OR8D1: variants seen among roughly 807,000 people sequenced by gnomAD.
OR8D1 encodes olfactory receptor family 8 subfamily D member 1.
For synonymous variants in OR8D1, 143 were observed against 147.0 expected (o/e 0.97, Z 0.20); for missense variants, 384 against 366.8 (o/e 1.05, Z -0.38).
At chr11:124,312,075 C>G (rs941409028) in intron 1 of OR8D1, among the ~76,000 whole-genome samples, 10 of 152,104 alleles carry the variant, frequency 6.6e-5, no homozygotes, top group Admixed American at 5.2e-4. Flanking sequence ...AAGTGGGATA[C>G]CTGTTTCAAA....
At chr11:124,313,539 G>T (rs1313429988) in intron 1 of OR8D1, among the ~76,000 whole-genome samples, 182 bp downstream of exon 1, 1 of 152,122 alleles carries the variant, frequency 6.6e-6, no homozygotes, top group Non-Finnish European at 1.5e-5. Flanking sequence ...AGGTTATAAA[G>T]AAGTGACAAG....
In OR8D1 at chr11:124,309,903, T is replaced by C. The variant is rs1360852038; in HGVS notation, c.864A>G (p.Leu288=). The change falls in exon 3 of 3, where the codon TTA becomes TTG. Residue 288 remains leucine (L), a synonymous_variant. Coordinates refer to ENST00000641015, the MANE Select transcript of OR8D1 (RefSeq NM_001002917.2). ...CATCCTTATTCCTCAGACTGTATAT[T>C]AAAGGGTTCAGCATGGGGATCACCG... The part of the protein sequence containing the change: ...YTTVIPMLNP[L]IYSLRNKDVK... 2 of 1,515,624 alleles carry C rather than the reference T, an allele frequency of 1.3e-6. No homozygotes were observed. The highest frequency in any genetic ancestry group is 2.3e-5 in the Admixed American group (1 of 44,262). The allele number at this position is 1,515,624 out of a possible 1,614,324, so 93.9% of individuals were successfully genotyped here.
At chr11:124,310,889 T>C in intron 2 of OR8D1, 107 bp from the exon 3 acceptor site, 1 of 668,672 alleles carries the variant, frequency 1.5e-6, no homozygotes, top group South Asian at 2.0e-5. Context: ...GACTGAGTCA[T>C]AGTTTTCATT....
At chr11:124,310,839 C>T in intron 2 of OR8D1, 57 bp from the exon 3 acceptor site, 3 of 1,191,402 alleles carry the variant, frequency 2.5e-6, no homozygotes, top group Non-Finnish European at 3.6e-6. Context: ...CTCTTCCAAA[C>T]AAAACCAAAT....
Position 124,309,961 on chromosome 11 carries a change from T to C in OR8D1, c.806A>G (p.Asp269Gly), listed in dbSNP as rs202057740. The change falls in exon 3 of 3, where the codon GAC becomes GGC. Residue 269 changes from aspartate (D) to glycine (G), a missense_variant. Asp to Gly is a moderately conservative substitution (Grantham distance 94). Transcript: ENST00000641015. ...GAACACAGAGGACACCTTCTCCTGG[T>C]CCAGGGAGTTACTTGAAGGGGGCTT... The part of the protein sequence containing the change: ...YFKPPSSNSL[D>G]QEKVSSVFYT... The C allele has an allele frequency of 3.5e-5, 55 of 1,565,826 alleles. No individual in the cohort carries two copies. In the East Asian group the frequency reaches 1.1e-3, roughly 31 times the overall value.
In OR8D1 at chr11:124,303,196, T is replaced by G. The variant is rs988241354; in HGVS notation, c.*6644A>C. 2 of 151,732 alleles carry G rather than the reference T, an allele frequency of 1.3e-5. No individual in the cohort carries two copies. The highest frequency in any genetic ancestry group is 4.8e-5 in the African/African-American group (2 of 41,254). The allele number at this position is 151,732 out of a possible 1,614,324, so 9.4% of individuals were successfully genotyped here. On this transcript the variant is annotated 3_prime_UTR_variant, in exon 3 of 3. Transcript: ENST00000641015. Reference sequence around the variant, plus strand: ...CAGGCACATCTCACATGGCGGGAGGTGTGAGACAGAGCAGGAAAAACTACC... The same window carrying G: ...CAGGCACATCTCACATGGCGGGAGGGGTGAGACAGAGCAGGAAAAACTACC...
At position 124,304,421 on chromosome 11, in the gene OR8D1, A is replaced by G. The variant is rs1862350406; in HGVS notation, c.*5419T>C. 1 of 151,752 alleles carries G rather than the reference A, an allele frequency of 6.6e-6. No homozygotes were observed. The highest frequency in any genetic ancestry group is 1.5e-5 in the Non-Finnish European group (1 of 67,850). 9.4% of individuals were successfully genotyped at this position (151,752 alleles called of 1,614,324 possible). ...TGTTCCATTATACATATATTCCATA[A>G]TTTCCTTCTCCATTTATCAGATGAC... On this transcript the variant is annotated 3_prime_UTR_variant, in exon 3 of 3. Coordinates refer to ENST00000641015, the MANE Select transcript of OR8D1 (RefSeq NM_001002917.2).
rs754548110 is a variant in OR8D1, at chr11:124,310,157, C to A, written c.610G>T (p.Gly204Trp). 6.2e-7 allele frequency: 1 copy of A among 1,613,422 alleles called. No individual in the cohort carries two copies. The highest frequency in any genetic ancestry group is 8.5e-7 in the Non-Finnish European group (1 of 1,179,882). Residue 204 changes from glycine to tryptophan, a missense_variant, in exon 3 of 3, where the codon GGG becomes TGG. Gly to Trp is a radical substitution (Grantham distance 184, BLOSUM62 -2). Transcript: ENST00000641015. ...AGGGTGGGCACCAAGGTGTTAAACC[C>A]CGCAATGATAAAAAGTAGAAGCTCA... The part of the protein sequence containing the change: ...LNELLLFIIA[G>W]FNTLVPTLAV...
Position 124,306,880 on chromosome 11 carries a change from A to G in OR8D1, c.*2960T>C, listed in dbSNP as rs1862373296. On this transcript the variant is annotated 3_prime_UTR_variant, in exon 3 of 3. Coordinates refer to ENST00000641015, the MANE Select transcript of OR8D1 (RefSeq NM_001002917.2). ...TTTCACACCTTTACTCACTTTCCCCAGGAAGGTGGGATGACTTTTCTGATG... is the reference window on the plus strand; with the variant it reads ...TTTCACACCTTTACTCACTTTCCCCGGGAAGGTGGGATGACTTTTCTGATG... The G allele has an allele frequency of 6.6e-6, 1 of 152,010 alleles. No individual in the cohort carries two copies. The highest frequency in any genetic ancestry group is 2.4e-5 in the African/African-American group (1 of 41,380). The allele number at this position is 152,010 out of a possible 1,614,324, so 9.4% of individuals were successfully genotyped here. A position where few individuals can be genotyped will look rare whatever the true frequency, so the allele number is the denominator to read the frequency against.
At position 124,303,156 on chromosome 11, in the gene OR8D1, T is replaced by C. The variant is rs550079827; in HGVS notation, c.*6684A>G. ...GGAAGCCTCAGGAAACTTACAATCA[T>C]AGCAGAAGGGAACGCAGGCACATCT... On this transcript the variant is annotated 3_prime_UTR_variant, in exon 3 of 3. Transcript: ENST00000641015. 1.3e-5 allele frequency: 2 copies of C among 152,386 alleles called. No individual in the cohort carries two copies. The highest frequency in any genetic ancestry group is 6.6e-5 in the Admixed American group (1 of 15,238). The allele number at this position is 152,386 out of a possible 1,614,324, so 9.4% of individuals were successfully genotyped here.
intron 2 of OR8D1, 103 bp from the exon 3 acceptor site, chr11:124,310,885 G>T: frequency 1.5e-6 from 1 of 687,524 alleles, no homozygotes; most frequent in Non-Finnish European, 2.4e-6. Context: ...AACAGACTGA[G>T]TCATAGTTTT....
Position 124,308,363 on chromosome 11 carries a change from A to T in OR8D1, c.*1477T>A, listed in dbSNP as rs777749289. ...GTCCCCCTCAAAAAGATCTTAAGGA[A>T]TGGGAGGACTTGAGAAGATATAGGC... On this transcript the variant is annotated 3_prime_UTR_variant, in exon 3 of 3. Coordinates refer to ENST00000641015, the MANE Select transcript of OR8D1 (RefSeq NM_001002917.2). The T allele has an allele frequency of 6.6e-6, 1 of 152,084 alleles. No individual in the cohort carries two copies. Among genetic ancestry groups the T allele is most frequent in the Middle Eastern group, 3.2e-3 (1 of 316 alleles). The allele number at this position is 152,084 out of a possible 1,614,324, so 9.4% of individuals were successfully genotyped here.
Position 124,304,876 on chromosome 11 carries a change from T to A in OR8D1, c.*4964A>T, listed in dbSNP as rs1198523268. 6.6e-6 allele frequency: 1 copy of A among 151,992 alleles called. No individual in the cohort carries two copies. The highest frequency in any genetic ancestry group is 1.9e-4 in the East Asian group (1 of 5,176). The allele number at this position is 151,992 out of a possible 1,614,324, so 9.4% of individuals were successfully genotyped here. On this transcript the variant is annotated 3_prime_UTR_variant, in exon 3 of 3. Coordinates refer to ENST00000641015, the MANE Select transcript of OR8D1 (RefSeq NM_001002917.2). ...TTCCAGCCTGTGTGTGCACTTTTTT[T>A]ATTCTAAAATAGTGTCTTTTAATAA...
intron 1 of OR8D1, among the ~76,000 whole-genome samples, chr11:124,312,514 CTTTCT>C (rs1862430621): frequency 7.2e-6 from 1 of 138,458 alleles, no homozygotes; most frequent in African/African-American, 3.1e-5. Flanking sequence ...TTCTTTCTTT[CTTTCT>C]TTTTTTTTTT....
At position 124,308,603 on chromosome 11, in the gene OR8D1, C is replaced by A. The variant is rs1862386666; in HGVS notation, c.*1237G>T. 6.6e-6 allele frequency: 1 copy of A among 151,934 alleles called. No homozygotes were observed. 9.4% of individuals were successfully genotyped at this position (151,934 alleles called of 1,614,324 possible). A position where few individuals can be genotyped will look rare whatever the true frequency, so the allele number is the denominator to read the frequency against. ...TAGAACAGTAGGATTTTGGTAGATA[C>A]AAAATTTACTGATTTCTTATTTCTT... On this transcript the variant is annotated 3_prime_UTR_variant, in exon 3 of 3. Coordinates refer to ENST00000641015, the MANE Select transcript of OR8D1 (RefSeq NM_001002917.2).
chr11:124,310,139 G>T lies in OR8D1; in HGVS notation c.628C>A (p.Pro210Thr). 6.2e-7 allele frequency: 1 copy of T among 1,613,696 alleles called. No homozygotes were observed. Among genetic ancestry groups the T allele is most frequent in the Non-Finnish European group, 8.5e-7 (1 of 1,179,870 alleles). The part of the protein sequence containing the change: ...FIIAGFNTLV[P>T]TLAVAVSYAF... The stretch of plus-strand genomic sequence containing the variant: ...TAGGAGACAGCAACAGCTAGGGTGG[G>T]CACCAAGGTGTTAAACCCCGCAATG... Residue 210 changes from proline to threonine, a missense_variant, in exon 3 of 3, where the codon CCC becomes ACC. Physicochemically the swap from Pro to Thr is conservative, Grantham distance 38. Transcript: ENST00000641015.
In OR8D1 at chr11:124,304,868, AC is replaced by A. The variant is rs1218702057; in HGVS notation, c.*4971del. The A allele has an allele frequency of 6.6e-6, 1 of 151,872 alleles. No individual in the cohort carries two copies. The highest frequency in any genetic ancestry group is 2.4e-5 in the African/African-American group (1 of 41,410). The allele number at this position is 151,872 out of a possible 1,614,324, so 9.4% of individuals were successfully genotyped here. On this transcript the variant is annotated 3_prime_UTR_variant, in exon 3 of 3. Coordinates refer to ENST00000641015, the MANE Select transcript of OR8D1 (RefSeq NM_001002917.2). The stretch of plus-strand genomic sequence containing the variant: ...CATTATTTTTCCAGCCTGTGTGTGC[AC>A]TTTTTTTATTCTAAAATAGTGTCTT...
rs1441603969 is a variant in OR8D1, at chr11:124,303,680, T to A, written c.*6160A>T. Reference sequence around the variant, plus strand: ...TTTTTAATGTGGCTGTATTTATGATTCATTTTCTTTAAAAATTATGCTCAC... The same window carrying A: ...TTTTTAATGTGGCTGTATTTATGATACATTTTCTTTAAAAATTATGCTCAC... On this transcript the variant is annotated 3_prime_UTR_variant, in exon 3 of 3. Transcript: ENST00000641015. 1 of 152,046 alleles carries A rather than the reference T, an allele frequency of 6.6e-6. No homozygotes were observed. Among genetic ancestry groups the A allele is most frequent in the Non-Finnish European group, 1.5e-5 (1 of 67,994 alleles). The allele number at this position is 152,046 out of a possible 1,614,324, so 9.4% of individuals were successfully genotyped here. A position where few individuals can be genotyped will look rare whatever the true frequency, so the allele number is the denominator to read the frequency against.
rs1862342758 is a variant in OR8D1 at position 124,303,633 on chromosome 11, A to G, written c.*6207T>C. 1 of 151,936 alleles carries G rather than the reference A, an allele frequency of 6.6e-6. No homozygotes were observed. The highest frequency in any genetic ancestry group is 2.4e-5 in the African/African-American group (1 of 41,372). 9.4% of individuals were successfully genotyped at this position (151,936 alleles called of 1,614,324 possible). ...TTGTAGCTTGCCTTTAGCTTTATGT[A>G]TGATGCCTTTTATTGTAAAGTTTTT... On this transcript the variant is annotated 3_prime_UTR_variant, in exon 3 of 3. Coordinates refer to ENST00000641015, the MANE Select transcript of OR8D1 (RefSeq NM_001002917.2).
Sources: allele counts gnomAD v4.1 joint callset (sites outside exome capture counted in the v4.1 genomes callset), GRCh38; gene constraint gnomAD v4.1.1; transcripts MANE v1.5; gene names NCBI Gene and HGNC (gene_info 2026-07-23, HGNC 2026-07-21).